KCND3: variants seen among roughly 807,000 people sequenced by gnomAD.
The protein encoded by KCND3 is A-type voltage-gated potassium channel KCND3.
KCND3 carries 9 observed loss-of-function variants against 51.1 expected under a neutral mutation model. The observed-to-expected ratio is 0.18, with a 90% confidence interval of 0.11 to 0.31. KCND3 has a LOEUF of 0.31. KCND3 is among the 10% of genes least tolerant of loss of function. The pLI is 1.00. For missense variants in KCND3, 526 were observed against 903.8 expected (o/e 0.58, Z 5.36); for synonymous variants, 349 against 368.0 (o/e 0.95, Z 0.59).
chr1:111,867,853 G>GTCT, intron 2 of KCND3, among the ~76,000 whole-genome samples: 1 of 152,198 alleles, frequency 6.6e-6, no homozygotes, highest in Non-Finnish European at 1.5e-5. Context: ...GTCTTCATAG[G>GTCT]TAAGAGCACA....
In KCND3 at chr1:111,989,647, C is replaced by T. The variant is rs982634574; in HGVS notation, c.-215G>A. ...AGCCGCCGCTCGCGCGGCTCCTCCT[C>T]GCCAGCGCAGTCTCGCTCGCTGCCT... On this transcript the variant is annotated 5_prime_UTR_variant, in exon 1 of 8. Coordinates refer to ENST00000302127, the MANE Select transcript of KCND3 (RefSeq NM_001378969.1). The T allele has an allele frequency of 7.4e-5, 11 of 148,492 alleles. No homozygotes were observed. Among genetic ancestry groups the T allele is most frequent in the Non-Finnish European group, 1.7e-4 (11 of 66,248 alleles). The allele number at this position is 148,492 out of a possible 1,614,324, so 9.2% of individuals were successfully genotyped here. A position where few individuals can be genotyped will look rare whatever the true frequency, so the allele number is the denominator to read the frequency against.
intron 2 of KCND3, among the ~76,000 whole-genome samples, chr1:111,924,015 G>A (rs113457677): frequency 4.6e-5 from 7 of 152,124 alleles, no homozygotes; most frequent in Admixed American, 1.3e-4. Flanking sequence ...ATGTGCCCAC[G>A]GGCCAGGACC....
At chr1:111,957,080 A>G (rs761909179) in intron 2 of KCND3, among the ~76,000 whole-genome samples, 1 of 152,174 alleles carries the variant, frequency 6.6e-6, no homozygotes, top group African/African-American at 2.4e-5. Flanking sequence ...AAACATCTCA[A>G]ACAAAACACA....
intron 2 of KCND3, among the ~76,000 whole-genome samples, chr1:111,823,938 G>T (rs933094847): frequency 6.6e-6 from 1 of 152,104 alleles, no homozygotes; most frequent in Non-Finnish European, 1.5e-5. Context: ...AAAAGCAAAA[G>T]AAAAAATCTG....
At chr1:111,976,106 A>G (rs1481658425) in intron 2 of KCND3, among the ~76,000 whole-genome samples, 1 of 152,248 alleles carries the variant, frequency 6.6e-6, no homozygotes, top group Non-Finnish European at 1.5e-5. Context: ...CCACAAGATC[A>G]GAGACTATTT....
intron 2 of KCND3, among the ~76,000 whole-genome samples, chr1:111,952,288 C>T (rs1040712125): frequency 2.6e-5 from 4 of 152,156 alleles, no homozygotes; most frequent in South Asian, 4.1e-4. Flanking sequence ...AAAGAGTCTT[C>T]GCCCCACTCC....
intron 2 of KCND3, among the ~76,000 whole-genome samples, chr1:111,975,773 C>T (rs78277330): frequency 0.023 from 3,576 of 152,268 alleles, 100 homozygotes; most frequent in East Asian, 0.096. Context: ...TGCAGCTTGA[C>T]CATTTGGACC....
chr1:111,832,576 A>G (rs1446715281), intron 2 of KCND3, among the ~76,000 whole-genome samples: 1 of 152,144 alleles, frequency 6.6e-6, no homozygotes, highest in Non-Finnish European at 1.5e-5. Context: ...ACGATTTCCA[A>G]GACAGTGCAG....
At chr1:111,900,757 G>T (rs1670345685) in intron 2 of KCND3, among the ~76,000 whole-genome samples, 1 of 152,102 alleles carries the variant, frequency 6.6e-6, no homozygotes, top group African/African-American at 2.4e-5. Flanking sequence ...AGGAATTCGA[G>T]ACCAGCCTGG....
At chr1:111,800,901 A>C (rs1207014500) in intron 2 of KCND3, among the ~76,000 whole-genome samples, 1 of 152,228 alleles carries the variant, frequency 6.6e-6, no homozygotes, top group African/African-American at 2.4e-5. Context: ...CATTCTTCCC[A>C]ATCTCAGATC....
At chr1:111,946,198 G>A (rs11578917) in intron 2 of KCND3, among the ~76,000 whole-genome samples, 48,180 of 152,108 alleles carry the variant, frequency 0.32, 7,840 homozygotes, top group Middle Eastern at 0.37. Context: ...AGAGTACAGT[G>A]GACACACAAA....
intron 2 of KCND3, among the ~76,000 whole-genome samples, chr1:111,812,737 A>G (rs762072308): frequency 3.3e-5 from 5 of 152,188 alleles, no homozygotes; most frequent in Non-Finnish European, 7.3e-5. Flanking sequence ...CCTGCTTCAC[A>G]TGAGTATCTG....
intron 2 of KCND3, among the ~76,000 whole-genome samples, chr1:111,968,491 A>T (rs1674137840): frequency 6.6e-6 from 1 of 152,246 alleles, no homozygotes; most frequent in Non-Finnish European, 1.5e-5. Context: ...GAAAGTGAGG[A>T]TCACAACTTA....
intron 2 of KCND3, among the ~76,000 whole-genome samples, chr1:111,876,256 G>A (rs924964820): frequency 6.6e-6 from 1 of 152,310 alleles, no homozygotes; most frequent in African/African-American, 2.4e-5. Flanking sequence ...TCTGCAAAAT[G>A]ATCCTTTTCG....
In KCND3 at chr1:111,982,070, C is replaced by T; in HGVS notation, c.657G>A (p.Gly219=). 6.2e-7 allele frequency: 1 copy of T among 1,613,750 alleles called. No individual in the cohort carries two copies. Among genetic ancestry groups the T allele is most frequent in the African/African-American group, 1.3e-5 (1 of 74,998 alleles). The part of the protein sequence containing the change: ...TVPGSKELPC[G]ERYSVAFFCL... ...AGAAGAAGGCCACCGAGTAGCGCTC[C>T]CCGCACGGCAGCTCCTTGCTGCCCG... Residue 219 remains glycine, a synonymous_variant, in exon 2 of 8, where the codon GGG becomes GGA. Transcript: ENST00000302127. This position sits in a 1 kb window ranked among gnomAD's most constrained non-coding sequence, Gnocchi z 8.5.
intron 2 of KCND3, among the ~76,000 whole-genome samples, chr1:111,886,497 C>T (rs1000219090): frequency 2.0e-5 from 3 of 152,194 alleles, no homozygotes; most frequent in South Asian, 2.1e-4. Context: ...CATTTGAAGG[C>T]TTGTCCTGTG....
intron 2 of KCND3, among the ~76,000 whole-genome samples, chr1:111,847,831 C>CCAGGA (rs1472286047): frequency 6.6e-6 from 1 of 152,148 alleles, no homozygotes. Context: ...AGGCAGGATC[C>CCAGGA]CAGGACAGCG....
chr1:111,980,232 GT>G (rs1248831874), intron 2 of KCND3, among the ~76,000 whole-genome samples: 2 of 152,038 alleles, frequency 1.3e-5, no homozygotes, highest in African/African-American at 4.8e-5. Flanking sequence ...GTGTGTGTGT[GT>G]GTGTGGGTTG....
chr1:111,780,472 G>C lies in KCND3; in HGVS notation c.1372-158C>G, dbSNP rs1664326782. Reference sequence around the variant, plus strand: ...CAGCATTGAATATGCTAACCTTTGGGCTCAGGGGCCCTTGGTCTAAACCTG... The same window carrying C: ...CAGCATTGAATATGCTAACCTTTGGCCTCAGGGGCCCTTGGTCTAAACCTG... On this transcript the variant is annotated intron_variant, in intron 4 of 7. Transcript: ENST00000302127. The surrounding 1 kb of genome is among the most constrained non-coding windows in gnomAD (Gnocchi z 4.2). Among the ~76,000 whole-genome samples the C allele has an allele frequency of 6.6e-6, 1 of 152,052 alleles. No individual in the cohort carries two copies. Among genetic ancestry groups the C allele is most frequent in the African/African-American group, 2.4e-5 (1 of 41,390 alleles).
Sources: allele counts gnomAD v4.1 joint callset (sites outside exome capture counted in the v4.1 genomes callset), GRCh38; gene constraint gnomAD v4.1.1; non-coding constraint Gnocchi (gnomAD v3.1); transcripts MANE v1.5; gene names NCBI Gene and HGNC (gene_info 2026-07-23, HGNC 2026-07-21).